The following LNX1 variants were observed in gnomAD, a reference collection of about 807,000 sequenced individuals.
LNX1 encodes ligand of numb-protein X 1.
Under a neutral mutation model 68.4 loss-of-function variants are expected in LNX1, and 54 were observed. That is an observed-to-expected ratio of 0.79 (90% CI 0.63 to 0.99). The LOEUF is 0.99. Among genes scored for constraint, LNX1 ranks in the 50% least tolerant of loss-of-function variants. The probability of loss-of-function intolerance (pLI) is 0.00; values close to 1 mark genes in which losing one functional copy is unlikely to be tolerated. For missense variants in LNX1, 906 were observed against 926.4 expected, an observed-to-expected ratio of 0.98 and a Z score of 0.29; for synonymous variants, 336 against 350.0, an observed-to-expected ratio of 0.96 and a Z score of 0.45.
intron 2 of LNX1, chr4:53,604,124 G>C (rs957086783): frequency 3.3e-5 from 5 of 152,096 alleles, no homozygotes; most frequent in African/African-American, 1.2e-4. Flanking sequence ...GGGATGGAGG[G>C]TGATTTAATC....
chr4:53,579,256 T>G, intron 1 of LNX1: 1 of 984,852 alleles, frequency 1.0e-6, no homozygotes, highest in Non-Finnish European at 1.2e-6. Context: ...CTTACGTACG[T>G]GTATGATGGG....
At chr4:53,569,182 CA>C (rs1730949225) in intron 2 of LNX1, among the ~76,000 whole-genome samples, 1 of 152,114 alleles carries the variant, frequency 6.6e-6, no homozygotes, top group South Asian at 2.1e-4. Context: ...CATATGGAAC[CA>C]AAAAAGAGCC....
intron 1 of LNX1, among the ~76,000 whole-genome samples, chr4:53,631,070 C>T (rs1348917895): frequency 1.3e-4 from 20 of 152,052 alleles, no homozygotes; most frequent in Non-Finnish European, 2.2e-4. Flanking sequence ...TTCTATGGAC[C>T]GCTGGGTCAA....
At chr4:53,461,311 TACG>T in intron 10 of LNX1, 121 bp downstream of exon 10, 1 of 795,854 alleles carries the variant, frequency 1.3e-6, no homozygotes, top group Non-Finnish European at 2.0e-6. Flanking sequence ...AGTTGAATGC[TACG>T]TACATACTTT....
rs111890036 is a variant in LNX1, at chr4:53,494,856, A to G, written c.1350+1167T>C. Among the ~76,000 whole-genome samples the G allele has an allele frequency of 8.7e-3, 1,327 of 152,356 alleles. 23 individuals carry two copies. Among genetic ancestry groups the G allele is most frequent in the African/African-American group, 0.03 (1,254 of 41,582 alleles). ...TCACAGCTTATGAAACGTCGCTGAG[A>G]CACAAAACTATCAGAACATTATACC... On this transcript the variant is annotated intron_variant, in intron 6 of 10. Transcript: ENST00000263925.
Position 53,470,950 on chromosome 4 carries a change from G to A in LNX1, c.1892+5803C>T, listed in dbSNP as rs201852981. 8.9e-4 allele frequency among the ~76,000 whole-genome samples: 135 copies of A among 151,152 alleles called. 2 individuals are homozygous for A. The East Asian group carries it at 0.024, about 26-fold the overall frequency. On this transcript the variant is annotated intron_variant, in intron 9 of 10. Transcript: ENST00000263925. ...TTATAGATTCAGTGCCATCCCCATC[G>A]AGCTACCAATGACTTTCTTCACAGA...
At chr4:53,637,810 G>A (rs1489517283) in intron 1 of LNX1, among the ~76,000 whole-genome samples, 3 of 152,154 alleles carry the variant, frequency 2.0e-5, no homozygotes, top group Non-Finnish European at 4.4e-5. Context: ...TTGCAGATGA[G>A]GAAATTTCTG....
intron 2 of LNX1, among the ~76,000 whole-genome samples, chr4:53,572,986 A>G (rs1421698088): frequency 6.6e-6 from 1 of 152,224 alleles, no homozygotes; most frequent in African/African-American, 2.4e-5. Flanking sequence ...TCAAGGGTCA[A>G]ACTGGGGCAC....
intron 2 of LNX1, among the ~76,000 whole-genome samples, chr4:53,534,190 A>C (rs1728210318): frequency 6.6e-6 from 1 of 152,248 alleles, no homozygotes; most frequent in Non-Finnish European, 1.5e-5. Context: ...TGCACCTCAG[A>C]AATATCAACC....
At chr4:53,546,950 TCCCCTAAGCTAGTTA>T (rs1729155909) in intron 2 of LNX1, among the ~76,000 whole-genome samples, 1 of 152,132 alleles carries the variant, frequency 6.6e-6, no homozygotes, top group Admixed American at 6.5e-5. Context: ...CCATGGAATT[TCCCCTAAGCTAGTTA>T]CCCCTTTCTC....
Position 53,573,795 on chromosome 4 carries a change from C to T in LNX1, c.208G>A (p.Val70Met). ...YCTLCLTNFL[V>M]EKDFCPMDRK... ...TCCATGGGACAGAAGTCCTTCTCCACCAGGAAGTTGGTGAGGCAGAGGGTG... is the reference window on the plus strand; with the variant it reads ...TCCATGGGACAGAAGTCCTTCTCCATCAGGAAGTTGGTGAGGCAGAGGGTG... Residue 70 changes from valine to methionine, a missense_variant, in exon 2 of 11, where the codon GTG (valine) becomes ATG (methionine). By Grantham distance (21) the Val-to-Met change is conservative. Transcript: ENST00000263925. The T allele has an allele frequency of 1.2e-6, 2 of 1,612,854 alleles. No individual in the cohort carries two copies. Among genetic ancestry groups the T allele is most frequent in the Non-Finnish European group, 1.7e-6 (2 of 1,179,470 alleles).
In LNX1 at chr4:53,459,809, CTT is replaced by C. The variant is rs1195385406; in HGVS notation, c.*1096_*1097del. On this transcript the variant is annotated 3_prime_UTR_variant, in exon 11 of 11. Transcript: ENST00000263925. ...TTTTTTGTTAATCAAACACCACTCT[CTT>C]AAGAGGCTGCATCACAAAAGGCAAC... is the stretch of plus-strand genomic sequence containing the variant. 6 of 301,310 alleles carry C rather than the reference CTT, an allele frequency of 2.0e-5. No individual in the cohort carries two copies. The East Asian group carries it at 3.2e-4, about 16-fold the overall frequency. The allele number at this position is 301,310 out of a possible 1,614,324, so 18.7% of individuals were successfully genotyped here.
Position 53,609,772 on chromosome 4 carries a change from T to TATATATAATATACTATTATATATA in LNX1, c.-215+6744_-215+6745insTATATATAATAGTATATTATATAT, listed in dbSNP as rs1560692911. ...TTATATATAATATACTATTATATAT[T>TATATATAATATACTATTATATATA]ATATATAATATATTATTTAAATATA... On this transcript the variant is annotated intron_variant, in intron 2 of 3. Transcript: ENST00000504299. 4.4e-4 allele frequency among the ~76,000 whole-genome samples: 63 copies of TATATATAATATACTATTATATATA among 141,860 alleles called. 3 individuals are homozygous for TATATATAATATACTATTATATATA. Among genetic ancestry groups the TATATATAATATACTATTATATATA allele is most frequent in the Admixed American group, 6.6e-4 (9 of 13,722 alleles). The allele number at this position is 141,860 out of a possible 152,430, so 93.1% of individuals were successfully genotyped here.
intron 2 of LNX1, chr4:53,604,044 T>C (rs567090892): frequency 6.6e-6 from 1 of 152,328 alleles, no homozygotes; most frequent in South Asian, 2.1e-4. Flanking sequence ...GGAAAGCAAT[T>C]GATTTCTGAT....
Position 53,460,938 on chromosome 4 carries a change from G to C in LNX1, c.2156C>G (p.Thr719Ser), listed in dbSNP as rs1721941753. 1 of 1,610,384 alleles carries C rather than the reference G, an allele frequency of 6.2e-7. No individual in the cohort carries two copies. Among genetic ancestry groups the C allele is most frequent in the East Asian group, 2.2e-5 (1 of 44,658 alleles). The change falls in exon 11 of 11, where the codon ACT becomes AGT. Residue 719 changes from threonine to serine, a missense_variant. Thr to Ser is a moderately conservative substitution (Grantham distance 58). Coordinates refer to ENST00000263925, the MANE Select transcript of LNX1 (RefSeq NM_001126328.3). The stretch of plus-strand genomic sequence containing the variant: ...AAAAGTGCCAGGCCAAGAAACAATA[G>C]TTAGAGTAATTCTTCCTTTAAGTTC... ...LKELKGRITL[T>S]IVSWPGTFL
intron 1 of LNX1, among the ~76,000 whole-genome samples, chr4:53,650,561 C>T (rs1365582420): frequency 1.3e-5 from 2 of 152,100 alleles, no homozygotes; most frequent in African/African-American, 2.4e-5. Context: ...TTATGGTTTT[C>T]TATACATATA....
intron 4 of LNX1, among the ~76,000 whole-genome samples, chr4:53,506,516 C>T (rs967177371): frequency 1.3e-5 from 2 of 152,052 alleles, no homozygotes; most frequent in African/African-American, 4.8e-5. Flanking sequence ...ATTTGAGCAA[C>T]CTAAGTAACC....
chr4:53,573,985 A>C lies in LNX1; in HGVS notation c.18T>G (p.Ser6=), dbSNP rs374823159. The C allele has an allele frequency of 2.5e-6, 4 of 1,612,254 alleles. No homozygotes were observed. In the African/African-American group the frequency reaches 5.3e-5, roughly 22 times the overall value. Residue 6 remains serine (S), a synonymous_variant, in exon 2 of 11, where the codon TCT becomes TCG. Transcript: ENST00000263925. ...CACACAGGGGTTCAGGATCGTTGGCAGACTCTGGCTGGTTCATGATGGATT... is the reference window on the plus strand; with the variant it reads ...CACACAGGGGTTCAGGATCGTTGGCCGACTCTGGCTGGTTCATGATGGATT... MNQPE[S]ANDPEPLCAV...
At chr4:53,613,124 G>A (rs1272150037) in intron 2 of LNX1, among the ~76,000 whole-genome samples, 5 of 149,836 alleles carry the variant, frequency 3.3e-5, no homozygotes, top group African/African-American at 7.4e-5. Context: ...TAAGTGGGTG[G>A]GTGGAGAATT....
Sources: gnomAD v4.1 joint callset for allele counts (sites outside exome capture counted in the v4.1 genomes callset) on GRCh38, gnomAD v4.1.1 for gene constraint, MANE v1.5 for transcripts, NCBI Gene and HGNC (gene_info 2026-07-23, HGNC 2026-07-21) for gene names.